Variants in KRT18 observed in about 807,000 individuals in gnomAD.
KRT18 encodes the protein keratin, type I cytoskeletal 18.
KRT18 carries 8 observed loss-of-function variants against 39.9 expected under a neutral mutation model. That is an observed-to-expected ratio of 0.20 (90% confidence interval 0.12 to 0.36). The LOEUF (loss-of-function observed/expected upper bound fraction) is 0.36. KRT18 is among the 10% of genes least tolerant of loss of function. KRT18 has a pLI of 1.00. For missense variants in KRT18, 396 were observed against 565.7 expected, an observed-to-expected ratio of 0.70 and a Z score of 3.04; for synonymous variants, 194 against 227.8, an observed-to-expected ratio of 0.85 and a Z score of 1.33.
At chr12:52,949,635 C>T (rs1232510732) in intron 1 of KRT18, 45 bp downstream of exon 1, 8 of 1,500,422 alleles carry the variant, frequency 5.3e-6, no homozygotes, top group Non-Finnish European at 7.4e-6. Context: ...GTCTGACCCT[C>T]CAATTATACA....
At chr12:52,950,124 G>T in intron 1 of KRT18, 1 of 686,466 alleles carries the variant, frequency 1.5e-6, no homozygotes, top group South Asian at 1.6e-5. Flanking sequence ...CTTCCCAAGA[G>T]GGGCAGAGTG....
rs745911935 is a variant in KRT18 at position 52,950,333 on chromosome 12, C to A, written c.423C>A (p.Phe141Leu). 6.2e-7 allele frequency: 1 copy of A among 1,611,294 alleles called. No homozygotes were observed. Among genetic ancestry groups the A allele is most frequent in the Non-Finnish European group, 8.5e-7 (1 of 1,177,724 alleles). The part of the protein sequence containing the change: ...KIIEDLRAQI[F>L]ANTVDNARIV... ...TCTCTCTACAATCCCTCCAGATCTTCGCAAATACTGTGGACAATGCCCGCA... is the reference window on the plus strand; with the variant it reads ...TCTCTCTACAATCCCTCCAGATCTTAGCAAATACTGTGGACAATGCCCGCA... Residue 141 changes from phenylalanine to leucine, a missense_variant, in exon 2 of 7, where the codon TTC becomes TTA. Coordinates refer to ENST00000388835, the MANE Select transcript of KRT18 (RefSeq NM_000224.3).
chr12:52,952,157 C>T lies in KRT18; in HGVS notation c.987C>T (p.Ala329=), dbSNP rs371513958. 2 of 1,572,036 alleles carry T rather than the reference C, an allele frequency of 1.3e-6. No homozygotes were observed. Among genetic ancestry groups the T allele is most frequent in the Non-Finnish European group, 1.7e-6 (2 of 1,158,488 alleles). ...AGAACAGCCTGAGGGAGGTGGAGGC[C>T]CGCTACGCCCTACAGATGGAGCAGC... is the stretch of plus-strand genomic sequence containing the variant. The part of the protein sequence containing the change: ...SLENSLREVE[A]RYALQMEQLN... The change falls in exon 6 of 7, where the codon GCC becomes GCT. Residue 329 remains alanine (A), a synonymous_variant. Coordinates refer to ENST00000388835, the MANE Select transcript of KRT18 (RefSeq NM_000224.3).
At chr12:52,949,065 G>GA, upstream of KRT18, 1 of 1,065,384 alleles carries the variant, frequency 9.4e-7, no homozygotes, top group Non-Finnish European at 1.4e-6. Flanking sequence ...CGGCTCCGGG[G>GA]CGGGGGCGGG....
chr12:52,952,025 C>A, intron 5 of KRT18, 94 bp from the exon 6 acceptor site: 1 of 1,299,662 alleles, frequency 7.7e-7, no homozygotes, highest in Non-Finnish European at 1.1e-6. Flanking sequence ...GTACTTGGCA[C>A]ATAGCAGGTG....
At position 52,951,659 on chromosome 12, in the gene KRT18, G is replaced by T. The variant is rs1942490988; in HGVS notation, c.822+14G>T. ...TGGTCTCAGCAGGTGCGTGAGGGGA[G>T]GGGATGGCTGCCAAGGTGTGGGAGG... On this transcript the variant is annotated intron_variant, in intron 4 of 6. Coordinates refer to ENST00000388835, the MANE Select transcript of KRT18 (RefSeq NM_000224.3). 4 of 1,613,474 alleles carry T rather than the reference G, an allele frequency of 2.5e-6. No individual in the cohort carries two copies. The Admixed American group carries it at 5.0e-5, about 20-fold the overall frequency.
At chr12:52,949,903 C>A in intron 1 of KRT18, 1 of 669,284 alleles carries the variant, frequency 1.5e-6, no homozygotes, top group Admixed American at 2.1e-5. Context: ...GGAATGGGGA[C>A]TATTGGAGGG....
rs772097116 is a variant in KRT18, at chr12:52,949,546, G to C, written c.373G>C (p.Asp125His). 6.2e-6 allele frequency: 10 copies of C among 1,613,734 alleles called. No individual in the cohort carries two copies. Among genetic ancestry groups the C allele is most frequent in the Admixed American group, 1.7e-5 (1 of 60,016 alleles). The change falls in exon 1 of 7, where the codon GAC becomes CAC. Residue 125 changes from aspartate (D) to histidine (H), a missense_variant. By Grantham distance (81) the Asp-to-His change is moderately conservative (BLOSUM62 -1). Coordinates refer to ENST00000388835, the MANE Select transcript of KRT18 (RefSeq NM_000224.3). ...GGAGAAGAAGGGACCCCAGGTCAGA[G>C]ACTGGAGCCATTACTTCAAGATCAT... ...HLEKKGPQVR[D>H]WSHYFKIIED...
In KRT18 at chr12:52,949,536, C is replaced by G; in HGVS notation, c.363C>G (p.Pro121=). ...GGGAGCACTTGGAGAAGAAGGGACC[C>G]CAGGTCAGAGACTGGAGCCATTACT... ...KIREHLEKKG[P]QVRDWSHYFK... Residue 121 remains proline, a synonymous_variant, in exon 1 of 7, where the codon CCC becomes CCG. Transcript: ENST00000388835. 1 of 1,613,726 alleles carries G rather than the reference C, an allele frequency of 6.2e-7. No individual in the cohort carries two copies. Among genetic ancestry groups the G allele is most frequent in the Non-Finnish European group, 8.5e-7 (1 of 1,180,026 alleles).
chr12:52,950,965 A>G (rs1231186461), intron 3 of KRT18, 59 bp downstream of exon 3: 3 of 1,494,744 alleles, frequency 2.0e-6, no homozygotes, highest in African/African-American at 2.8e-5. Flanking sequence ...TCTGGGTCGG[A>G]GAATAGACAA....
intron 2 of KRT18, 59 bp from the exon 3 acceptor site, chr12:52,950,691 G>C (rs1044781034): frequency 6.5e-7 from 1 of 1,548,872 alleles, no homozygotes; most frequent in Non-Finnish European, 8.8e-7. Flanking sequence ...TAGGTGGCAT[G>C]AGTTGAGAAG....
Position 52,950,932 on chromosome 12 carries a change from A to G in KRT18, c.657+26A>G, listed in dbSNP as rs745831733. On this transcript the variant is annotated intron_variant, in intron 3 of 6. Transcript: ENST00000388835. ...GCAAGCAGGGGCCACTGGCCAGGCC[A>G]GGGATTGAGGGGCCAAGAGAAGTCT... The G allele has an allele frequency of 7.7e-6, 12 of 1,551,554 alleles. No homozygotes were observed. The East Asian group carries it at 2.8e-4, about 36-fold the overall frequency.
chr12:52,949,053 A>T (rs1382803725), upstream of KRT18: 5 of 955,506 alleles, frequency 5.2e-6, no homozygotes, highest in African/African-American at 6.7e-5. Context: ...CGGCTTCCGA[A>T]GCGGCTCCGG....
chr12:52,951,389 TGTAG>T, intron 3 of KRT18, 88 bp from the exon 4 acceptor site: 1 of 1,304,200 alleles, frequency 7.7e-7, no homozygotes, highest in Non-Finnish European at 1.1e-6. Flanking sequence ...CTTCTCCAAC[TGTAG>T]GCCTCCTAGA....
rs146080391 is a variant in KRT18, at chr12:52,952,784, G to A, written c.1235G>A (p.Arg412Gln). The A allele has an allele frequency of 1.5e-5, 24 of 1,612,976 alleles. No individual in the cohort carries two copies. The highest frequency in any genetic ancestry group is 1.1e-4 in the African/African-American group (8 of 74,986). ...ACCATCCAAAAGACCACCACCCGCC[G>A]GATAGTGGATGGCAAAGTGGTGTCT... ...MQTIQKTTTR[R>Q]IVDGKVVSET... The change falls in exon 7 of 7, where the codon CGG (arginine) becomes CAG (glutamine). Residue 412 changes from arginine (R) to glutamine (Q), a missense_variant. Physicochemically the swap from Arg to Gln is conservative, Grantham distance 43. Transcript: ENST00000388835.
rs12298313 is a variant in KRT18, at chr12:52,951,116, A to G, written c.657+210A>G. ...CACCTGAATTACAGGTCAAAATGATATGGGTTAGAAAATGAGATGAGAACA... is the reference window on the plus strand; with the variant it reads ...CACCTGAATTACAGGTCAAAATGATGTGGGTTAGAAAATGAGATGAGAACA... On this transcript the variant is annotated intron_variant, in intron 3 of 6. Transcript: ENST00000388835. 2.1e-3 allele frequency among the ~76,000 whole-genome samples: 324 copies of G among 152,318 alleles called. 1 individual carries two copies. The highest frequency in any genetic ancestry group is 5.7e-3 in the African/African-American group (235 of 41,570).
At position 52,951,729 on chromosome 12, in the gene KRT18, A is replaced by G. The variant is rs1163007261; in HGVS notation, c.823-2A>G. On this transcript the variant is annotated splice_acceptor_variant, in intron 4 of 6. Coordinates refer to ENST00000388835, the MANE Select transcript of KRT18 (RefSeq NM_000224.3). LOFTEE classifies it high-confidence loss of function. The stretch of plus-strand genomic sequence containing the variant: ...GCCTGATGGACTGTCCCCATCCTGC[A>G]GATTGAGGAGAGCACCACAGTGGTC... 6.2e-7 allele frequency: 1 copy of G among 1,613,336 alleles called. No individual in the cohort carries two copies. Among genetic ancestry groups the G allele is most frequent in the Admixed American group, 1.7e-5 (1 of 60,008 alleles).
At chr12:52,948,935 G>A (rs964352053), upstream of KRT18, 3 of 435,800 alleles carry the variant, frequency 6.9e-6, no homozygotes, top group Admixed American at 4.4e-5. Flanking sequence ...CCCGTTTCTG[G>A]GGGGTGAGCG....
chr12:52,952,451 C>T lies in KRT18; in HGVS notation c.1172+109C>T, dbSNP rs148504607. 260 of 851,430 alleles carry T rather than the reference C, an allele frequency of 3.1e-4. No individual in the cohort carries two copies. The African/African-American group carries it at 4.0e-3, about 13-fold the overall frequency. 52.7% of individuals were successfully genotyped at this position (851,430 alleles called of 1,614,324 possible). On this transcript the variant is annotated intron_variant, in intron 6 of 6. Coordinates refer to ENST00000388835, the MANE Select transcript of KRT18 (RefSeq NM_000224.3). ...TGTCTGTTCACTGGTATCCACTGAG[C>T]ACTGGGCCGTTGCTCCGTGGGTGCT... is the stretch of plus-strand genomic sequence containing the variant.
Sources: gnomAD v4.1 joint callset for allele counts (sites outside exome capture counted in the v4.1 genomes callset) on GRCh38, gnomAD v4.1.1 for gene constraint, MANE v1.5 for transcripts, NCBI Gene and HGNC (gene_info 2026-07-23, HGNC 2026-07-21) for gene names.